ACRBP: variants seen among roughly 807,000 people sequenced by gnomAD.
ACRBP encodes the protein acrosin binding protein.
ACRBP carries 52 observed loss-of-function variants against 69.0 expected under a neutral mutation model. The ratio of observed to expected loss-of-function variants is 0.75; its 90% CI spans 0.60 to 0.95. The LOEUF (loss-of-function observed/expected upper bound fraction) is 0.95, where lower values mean the gene tolerates loss of function less well. Ranked by LOEUF, ACRBP falls within the 40% of genes least tolerant of loss-of-function variation. ACRBP has a pLI of 0.00. For synonymous variants in ACRBP, 267 were observed against 258.9 expected (o/e 1.03, Z -0.30); for missense variants, 604 against 673.0 (o/e 0.90, Z 1.13).
intron 6 of ACRBP, among the ~76,000 whole-genome samples, chr12:6,641,629 C>T (rs766075978): frequency 1.2e-4 from 19 of 152,308 alleles, no homozygotes; most frequent in Non-Finnish European, 2.2e-4. Context: ...TGTTTAAGAA[C>T]CTCACCGACC....
intron 9 of ACRBP, 83 bp from the exon 10 acceptor site, chr12:6,638,487 A>G (rs1949027466): frequency 1.9e-6 from 3 of 1,583,096 alleles, no homozygotes; most frequent in East Asian, 2.2e-5. Context: ...CAGAAGCCCA[A>G]AAGAACGAGA....
At chr12:6,647,124 C>A in intron 1 of ACRBP, 112 bp from the exon 2 acceptor site, 1 of 1,134,876 alleles carries the variant, frequency 8.8e-7, no homozygotes, top group South Asian at 1.4e-5. Flanking sequence ...GTTATCCCTG[C>A]TGACCAGGGC....
chr12:6,643,911 AC>A, intron 5 of ACRBP: 1 of 1,040,972 alleles, frequency 9.6e-7, no homozygotes, highest in Non-Finnish European at 1.3e-6. Flanking sequence ...CAAGACCAGA[AC>A]CCAAGTCTGG....
Position 6,640,322 on chromosome 12 carries a change from G to T in ACRBP, c.1257+21C>A. On this transcript the variant is annotated intron_variant, in intron 7 of 9. Transcript: ENST00000229243. The surrounding 1 kb of genome is among the most constrained non-coding windows in gnomAD (Gnocchi z 5.3). ...GCCACCCAGTTCTGCCTTTCCCACT[G>T]CGGGCTGCCGGGCTAGATACCTGGT... 1 of 1,613,824 alleles carries T rather than the reference G, an allele frequency of 6.2e-7. No individual in the cohort carries two copies. The highest frequency in any genetic ancestry group is 8.5e-7 in the Non-Finnish European group (1 of 1,179,878).
Position 6,646,988 on chromosome 12 carries a change from G to A in ACRBP, c.68C>T (p.Ala23Val). 6.2e-7 allele frequency: 1 copy of A among 1,611,386 alleles called. No individual in the cohort carries two copies. The highest frequency in any genetic ancestry group is 1.1e-5 in the South Asian group (1 of 91,074). The change falls in exon 2 of 10, where the codon GCC becomes GTC. Residue 23 changes from alanine (A) to valine (V), a missense_variant. Around this residue, in one of 3 missense-constraint regions of ACRBP, gnomAD observed 532 missense variants for 562.9 expected, o/e 0.95. Transcript: ENST00000229243. ...GGCCTGAGTCGAATCCTGGGCTGCGGCAGGTGCCAGAGGCAGGAGCAGCAC... is the reference window on the plus strand; with the variant it reads ...GGCCTGAGTCGAATCCTGGGCTGCGACAGGTGCCAGAGGCAGGAGCAGCAC... ...LKVLLLPLAPAAAQDSTQAST... is the reference protein window; with the variant it reads ...LKVLLLPLAPVAAQDSTQAST...
intron 8 of ACRBP, among the ~76,000 whole-genome samples, chr12:6,639,310 C>G (rs1255650667): frequency 6.6e-6 from 1 of 152,112 alleles, no homozygotes; most frequent in Non-Finnish European, 1.5e-5. Flanking sequence ...TGGGGCAGGA[C>G]GGGGTAGATA....
In ACRBP at chr12:6,644,273, G is replaced by A. The variant is rs1285081601; in HGVS notation, c.808C>T (p.Pro270Ser). ...GTAGACTCTACTTCTCGTACCCGGG[G>A]AGCAAAAGAGGAAGGGTTAGAAGAT... Reference protein sequence around the residue: ...SLSSNPSSFAPRVREVESTPM... With the variant: ...SLSSNPSSFASRVREVESTPM... Residue 270 changes from proline to serine, a missense_variant, in exon 5 of 10, where the codon CCC becomes TCC. Around this residue, in one of 3 missense-constraint regions of ACRBP, gnomAD observed 532 missense variants for 562.9 expected, o/e 0.95. Coordinates refer to ENST00000229243, the MANE Select transcript of ACRBP (RefSeq NM_032489.3). The A allele has an allele frequency of 1.2e-6, 2 of 1,614,114 alleles. No homozygotes were observed. The highest frequency in any genetic ancestry group is 2.2e-5 in the East Asian group (1 of 44,884).
At chr12:6,638,852 TC>T in intron 9 of ACRBP, 101 bp downstream of exon 9, 3 of 1,575,028 alleles carry the variant, frequency 1.9e-6, no homozygotes, top group Non-Finnish European at 1.7e-6. Flanking sequence ...GGAACCGCTT[TC>T]CACATCCTAG....
At chr12:6,645,447 G>T in intron 3 of ACRBP, 110 bp from the exon 4 acceptor site, 1 of 832,224 alleles carries the variant, frequency 1.2e-6, no homozygotes, top group Non-Finnish European at 2.0e-6. Context: ...TTTCTAGGCA[G>T]GGATAAAGGG....
intron 4 of ACRBP, 34 bp downstream of exon 4, chr12:6,645,186 G>A: frequency 1.3e-6 from 2 of 1,507,430 alleles, no homozygotes; most frequent in Non-Finnish European, 9.2e-7. Flanking sequence ...TGTGGGAGTA[G>A]CTGGTGGTCT....
At chr12:6,643,702 G>A in intron 5 of ACRBP, 31 bp from the exon 6 acceptor site, 2 of 1,605,862 alleles carry the variant, frequency 1.2e-6, no homozygotes, top group Non-Finnish European at 1.7e-6. Context: ...GGGTGGGGCT[G>A]GGCCAGGTGG....
At position 6,643,534 on chromosome 12, in the gene ACRBP, C is replaced by T; in HGVS notation, c.1077+5G>A. On this transcript the variant is annotated splice_donor_5th_base_variant and intron_variant, in intron 6 of 9. Coordinates refer to ENST00000229243, the MANE Select transcript of ACRBP (RefSeq NM_032489.3). ...TGTATCCATTAGACAGTATGGCTGGCATACCGACTTCCCGAAACCAAGGAT... is the reference window on the plus strand; with the variant it reads ...TGTATCCATTAGACAGTATGGCTGGTATACCGACTTCCCGAAACCAAGGAT... 1 of 1,613,472 alleles carries T rather than the reference C, an allele frequency of 6.2e-7. No individual in the cohort carries two copies. The highest frequency in any genetic ancestry group is 8.5e-7 in the Non-Finnish European group (1 of 1,179,842).
chr12:6,643,506 G>C, intron 6 of ACRBP, 33 bp downstream of exon 6: 1 of 1,612,286 alleles, frequency 6.2e-7, no homozygotes, highest in Non-Finnish European at 8.5e-7. Flanking sequence ...ATGCCCAGTG[G>C]CATGTATCCA....
intron 6 of ACRBP, among the ~76,000 whole-genome samples, chr12:6,641,056 G>A (rs1422020211): frequency 6.6e-6 from 1 of 152,238 alleles, no homozygotes; most frequent in African/African-American, 2.4e-5. Context: ...CAAGGAAACT[G>A]ACTCTCAGTG....
At chr12:6,647,204 A>G (rs1592309654) in intron 1 of ACRBP, 120 bp downstream of exon 1, 1 of 1,270,084 alleles carries the variant, frequency 7.9e-7, no homozygotes, top group Admixed American at 2.6e-5. Flanking sequence ...CCCAGGACCT[A>G]GGGAGCCGAC....
chr12:6,638,582 C>T, intron 9 of ACRBP, 178 bp from the exon 10 acceptor site: 1 of 1,210,362 alleles, frequency 8.3e-7, no homozygotes, highest in Non-Finnish European at 1.1e-6. Context: ...CATCAAGCAG[C>T]CCAACCCCTT....
Position 6,647,013 on chromosome 12 carries a change from C to T in ACRBP, c.44-1G>A, listed in dbSNP as rs1949094804. 1.2e-6 allele frequency: 2 copies of T among 1,608,190 alleles called. No individual in the cohort carries two copies. The highest frequency in any genetic ancestry group is 1.7e-6 in the Non-Finnish European group (2 of 1,179,808). ...GCAGGTGCCAGAGGCAGGAGCAGCACTGCGGAGCGGGCGAACGGATGATGG... is the reference window on the plus strand; with the variant it reads ...GCAGGTGCCAGAGGCAGGAGCAGCATTGCGGAGCGGGCGAACGGATGATGG... On this transcript the variant is annotated splice_acceptor_variant, in intron 1 of 9. Coordinates refer to ENST00000229243, the MANE Select transcript of ACRBP (RefSeq NM_032489.3). LOFTEE classifies it high-confidence loss of function.
Position 6,647,402 on chromosome 12 carries a change from A to T in ACRBP, c.-36T>A. 4 of 1,498,130 alleles carry T rather than the reference A, an allele frequency of 2.7e-6. No individual in the cohort carries two copies. Among genetic ancestry groups the T allele is most frequent in the Non-Finnish European group, 3.6e-6 (4 of 1,121,424 alleles). 92.8% of individuals were successfully genotyped at this position (1,498,130 alleles called of 1,614,324 possible). ...GATCCGCCCGCGTCCCGTGGACACA[A>T]GCCGCCTCTAACGGGCCAAGCCGCA... On this transcript the variant is annotated 5_prime_UTR_variant, in exon 1 of 10. In the 5' UTR this introduces an upstream ATG that the reference lacks. Coordinates refer to ENST00000229243, the MANE Select transcript of ACRBP (RefSeq NM_032489.3).
intron 1 of ACRBP, 121 bp from the exon 2 acceptor site, chr12:6,647,133 G>C (rs1229709981): frequency 2.7e-6 from 3 of 1,113,812 alleles, no homozygotes; most frequent in Admixed American, 2.1e-5. Flanking sequence ...GCTGACCAGG[G>C]CGGGGGGAGT....
Sources: allele counts gnomAD v4.1 joint callset (sites outside exome capture counted in the v4.1 genomes callset), GRCh38; gene constraint gnomAD v4.1.1; regional missense constraint gnomAD v4.1.1; non-coding constraint Gnocchi (gnomAD v3.1); transcripts MANE v1.5; gene names NCBI Gene and HGNC (gene_info 2026-07-23, HGNC 2026-07-21).